The following GMCL1 variants were observed in gnomAD, a reference collection of about 807,000 sequenced individuals.
The protein encoded by GMCL1 is germ cell-less protein-like 1.
Under a neutral mutation model 75.5 loss-of-function variants are expected in GMCL1, and 54 were observed. The observed-to-expected ratio is 0.71, with a 90% CI of 0.57 to 0.90. GMCL1 has a LOEUF of 0.90. GMCL1 is among the 40% of genes least tolerant of loss of function. GMCL1 has a pLI of 0.00. For synonymous variants in GMCL1, 210 were observed against 209.6 expected, an observed-to-expected ratio of 1.00 and a Z score of -0.02; for missense variants, 537 against 622.7, an observed-to-expected ratio of 0.86 and a Z score of 1.47.
chr2:69,879,128 A>G lies in GMCL1; in HGVS notation c.*124A>G. The G allele has an allele frequency of 7.9e-6, 5 of 632,696 alleles. No individual in the cohort carries two copies. The highest frequency in any genetic ancestry group is 1.4e-5 in the Non-Finnish European group (5 of 352,370). 39.2% of individuals were successfully genotyped at this position (632,696 alleles called of 1,614,324 possible). A position where few individuals can be genotyped will look rare whatever the true frequency, so the allele number is the denominator to read the frequency against. ...CCTACTGATATTCACATCGAAGGTGACTAACAATGACAAAGGCCTTATGAA... is the reference window on the plus strand; with the variant it reads ...CCTACTGATATTCACATCGAAGGTGGCTAACAATGACAAAGGCCTTATGAA... On this transcript the variant is annotated 3_prime_UTR_variant, in exon 14 of 14. Coordinates refer to ENST00000282570, the MANE Select transcript of GMCL1 (RefSeq NM_178439.5).
At position 69,847,616 on chromosome 2, in the gene GMCL1, G is replaced by T; in HGVS notation, c.832G>T (p.Ala278Ser). Residue 278 changes from alanine to serine, a missense_variant, in exon 7 of 14, where the codon GCT becomes TCT. Ala to Ser is a moderately conservative substitution (Grantham distance 99). This residue lies in a region of GMCL1 where 345 missense variants were observed against 410.5 expected (regional missense o/e 0.84). Coordinates refer to ENST00000282570, the MANE Select transcript of GMCL1 (RefSeq NM_178439.5). ...VMQVEMDIYT[A>S]LKKWMFLQLV... ...GCAAGTGGAGATGGATATATACACT[G>T]CTCTAAAAAAGGTACTGACGTAATA... 1.3e-6 allele frequency: 2 copies of T among 1,595,096 alleles called. No individual in the cohort carries two copies. Among genetic ancestry groups the T allele is most frequent in the Non-Finnish European group, 1.7e-6 (2 of 1,163,514 alleles).
intron 11 of GMCL1, among the ~76,000 whole-genome samples, chr2:69,867,669 T>A (rs1030600520): frequency 2.6e-5 from 4 of 152,222 alleles, no homozygotes; most frequent in African/African-American, 9.6e-5. Flanking sequence ...CATGTTAAAC[T>A]CACCTGGCTA....
chr2:69,876,652 A>G (rs997993707), intron 13 of GMCL1, among the ~76,000 whole-genome samples: 1 of 152,188 alleles, frequency 6.6e-6, no homozygotes, highest in Non-Finnish European at 1.5e-5. Context: ...TGGACAAAAA[A>G]GGTAACCTGG....
chr2:69,831,519 A>G (rs1419379308), intron 1 of GMCL1, among the ~76,000 whole-genome samples: 2 of 152,170 alleles, frequency 1.3e-5, no homozygotes, highest in African/African-American at 4.8e-5. Flanking sequence ...AAGCCTCCCA[A>G]AGGGCTGAGA....
chr2:69,832,449 G>A (rs947765929), intron 1 of GMCL1, among the ~76,000 whole-genome samples: 4 of 151,708 alleles, frequency 2.6e-5, no homozygotes, highest in Non-Finnish European at 5.9e-5. Flanking sequence ...TAGTAATTTA[G>A]CCACTACCAC....
chr2:69,844,061 AC>A, intron 5 of GMCL1, 69 bp from the exon 6 acceptor site: 1 of 670,940 alleles, frequency 1.5e-6, no homozygotes. Context: ...TTTTATTTTA[AC>A]TATAAGTCCT....
chr2:69,876,299 A>G (rs963537164), intron 13 of GMCL1, among the ~76,000 whole-genome samples: 3 of 152,242 alleles, frequency 2.0e-5, no homozygotes, highest in Non-Finnish European at 4.4e-5. Flanking sequence ...AAGTGGTGCA[A>G]TTGAGAATTT....
intron 9 of GMCL1, among the ~76,000 whole-genome samples, chr2:69,855,210 G>T (rs1461903571): frequency 6.6e-6 from 1 of 151,812 alleles, no homozygotes; most frequent in Admixed American, 6.6e-5. Context: ...CTGTAATATG[G>T]ATGTTCTTTA....
chr2:69,848,259 G>A (rs1421375974), intron 7 of GMCL1, among the ~76,000 whole-genome samples: 2 of 152,174 alleles, frequency 1.3e-5, no homozygotes, highest in Admixed American at 1.3e-4. Context: ...ACAGTGTTGT[G>A]AGTATTTAAC....
At chr2:69,850,464 G>A (rs531259206) in intron 8 of GMCL1, among the ~76,000 whole-genome samples, 14 of 152,118 alleles carry the variant, frequency 9.2e-5, no homozygotes, top group Non-Finnish European at 1.8e-4. Flanking sequence ...GATTTTCTTA[G>A]TTTATGGCCA....
chr2:69,839,668 C>T (rs1674926513), intron 3 of GMCL1, 115 bp downstream of exon 3: 1 of 601,748 alleles, frequency 1.7e-6, no homozygotes, highest in Non-Finnish European at 3.0e-6. Context: ...CCTTTTATCA[C>T]CTCAAGGTGA....
intron 11 of GMCL1, 62 bp from the exon 12 acceptor site, chr2:69,869,657 T>G: frequency 6.6e-7 from 1 of 1,525,336 alleles, no homozygotes; most frequent in Non-Finnish European, 9.0e-7. Context: ...CATTTTGAAT[T>G]TTTTATTTTC....
intron 1 of GMCL1, among the ~76,000 whole-genome samples, chr2:69,830,728 T>A (rs1412212163): frequency 6.6e-6 from 1 of 151,436 alleles, no homozygotes; most frequent in East Asian, 1.9e-4. Flanking sequence ...GGATGTACTG[T>A]ATGTAGGGCG....
At chr2:69,853,015 C>G (rs542909724) in intron 8 of GMCL1, among the ~76,000 whole-genome samples, 6 of 152,162 alleles carry the variant, frequency 3.9e-5, no homozygotes, top group Admixed American at 2.6e-4. Flanking sequence ...CAGCAAGAAA[C>G]TTTAAAACAT....
intron 13 of GMCL1, among the ~76,000 whole-genome samples, chr2:69,872,429 T>C (rs753523204): frequency 2.0e-5 from 3 of 152,230 alleles, no homozygotes; most frequent in Non-Finnish European, 4.4e-5. Context: ...AGGAACTTTA[T>C]TTCTATTAAA....
chr2:69,878,902 C>G lies in GMCL1; in HGVS notation c.1453-7C>G, dbSNP rs373415160. 6 of 1,582,524 alleles carry G rather than the reference C, an allele frequency of 3.8e-6. No homozygotes were observed. The highest frequency in any genetic ancestry group is 5.2e-6 in the Non-Finnish European group (6 of 1,152,056). The stretch of plus-strand genomic sequence containing the variant: ...ATTGTCATTGAATCTACAAATCTGT[C>G]TTATAGGAACAAGTGGTGATGAACT... On this transcript the variant is annotated splice_region_variant and splice_polypyrimidine_tract_variant and intron_variant, in intron 13 of 13. Transcript: ENST00000282570.
intron 6 of GMCL1, 39 bp downstream of exon 6, chr2:69,844,235 A>G: frequency 2.7e-6 from 3 of 1,113,284 alleles, no homozygotes; most frequent in Middle Eastern, 2.3e-4. Context: ...TAGTCATCCT[A>G]AAATATTGTT....
chr2:69,867,599 G>T (rs182462056), intron 11 of GMCL1, among the ~76,000 whole-genome samples: 7 of 151,994 alleles, frequency 4.6e-5, no homozygotes, highest in Non-Finnish European at 5.9e-5. Flanking sequence ...TATATTTTAT[G>T]TTCCATCGTA....
intron 6 of GMCL1, among the ~76,000 whole-genome samples, chr2:69,846,345 CAAAA>C (rs1197962823): frequency 1.3e-5 from 2 of 151,990 alleles, no homozygotes; most frequent in African/African-American, 4.8e-5. Context: ...AAAATAATAA[CAAAA>C]AAACCCAATG....
Sources: allele counts gnomAD v4.1 joint callset (sites outside exome capture counted in the v4.1 genomes callset), GRCh38; gene constraint gnomAD v4.1.1; regional missense constraint gnomAD v4.1.1; transcripts MANE v1.5; gene names NCBI Gene and HGNC (gene_info 2026-07-23, HGNC 2026-07-21).